SH3GL2: variants seen among roughly 807,000 people sequenced by gnomAD.
The protein encoded by SH3GL2 is SH3 domain containing GRB2 like 2, endophilin A1.
In SH3GL2, 24 loss-of-function variants were observed where a neutral mutation model predicts 46.0. The observed-to-expected ratio is 0.52, with a 90% CI of 0.38 to 0.73. SH3GL2 has a LOEUF of 0.73. Ranked by LOEUF, SH3GL2 falls within the 30% of genes least tolerant of loss-of-function variation. The probability of loss-of-function intolerance (pLI) is 0.00; values close to 1 mark genes in which losing one functional copy is unlikely to be tolerated. For synonymous variants in SH3GL2, 196 were observed against 147.1 expected (o/e 1.33, Z -2.40); for missense variants, 413 against 424.2 (o/e 0.97, Z 0.23).
chr9:17,681,124 A>G (rs1820755694), intron 1 of SH3GL2, among the ~76,000 whole-genome samples: 1 of 152,162 alleles, frequency 6.6e-6, no homozygotes, highest in Non-Finnish European at 1.5e-5. Context: ...AGAAGCTTTC[A>G]AGGAATCAAA....
At chr9:17,664,880 G>A (rs1820304396) in intron 1 of SH3GL2, among the ~76,000 whole-genome samples, 1 of 148,796 alleles carries the variant, frequency 6.7e-6, no homozygotes, top group Non-Finnish European at 1.5e-5. Flanking sequence ...AAACCACAAG[G>A]GAATATTTAC....
intron 1 of SH3GL2, among the ~76,000 whole-genome samples, chr9:17,690,116 G>A (rs1821035335): frequency 6.6e-6 from 1 of 152,046 alleles, no homozygotes. Flanking sequence ...ATGAGACTTT[G>A]TTTCCCTTCT....
intron 1 of SH3GL2, among the ~76,000 whole-genome samples, chr9:17,666,063 A>T (rs562195042): frequency 1.3e-5 from 2 of 151,838 alleles, no homozygotes; most frequent in South Asian, 4.2e-4. Flanking sequence ...TTTAACAAAA[A>T]ATATTTAAAA....
intron 2 of SH3GL2, 31 bp from the exon 3 acceptor site, chr9:17,761,406 G>A: frequency 7.1e-7 from 1 of 1,411,074 alleles, no homozygotes; most frequent in Non-Finnish European, 1.0e-6. Flanking sequence ...CATCATTTTT[G>A]TCATTTAGAG....
intron 3 of SH3GL2, among the ~76,000 whole-genome samples, chr9:17,782,054 A>G (rs1198480252): frequency 6.6e-6 from 1 of 152,160 alleles, no homozygotes; most frequent in Non-Finnish European, 1.5e-5. Flanking sequence ...TAGGTGCTTC[A>G]TGAATATTTC....
chr9:17,671,797 T>C (rs933133655), intron 1 of SH3GL2, among the ~76,000 whole-genome samples: 4 of 152,212 alleles, frequency 2.6e-5, no homozygotes, highest in African/African-American at 9.6e-5. Flanking sequence ...ATAAATGGCC[T>C]TTATAACTGA....
intron 1 of SH3GL2, among the ~76,000 whole-genome samples, chr9:17,642,068 G>A (rs1004608304): frequency 7.2e-5 from 11 of 152,132 alleles, no homozygotes; most frequent in African/African-American, 2.4e-4. Context: ...CAGTGTAAAA[G>A]CATTCCTGTT....
intron 1 of SH3GL2, among the ~76,000 whole-genome samples, chr9:17,720,829 A>G (rs1434275585): frequency 6.6e-6 from 1 of 152,176 alleles, no homozygotes; most frequent in Non-Finnish European, 1.5e-5. Context: ...TTCTTGACTT[A>G]TGAGCCATGA....
At chr9:17,632,264 A>G (rs1016239238) in intron 1 of SH3GL2, among the ~76,000 whole-genome samples, 1 of 152,226 alleles carries the variant, frequency 6.6e-6, no homozygotes, top group Non-Finnish European at 1.5e-5. Flanking sequence ...CAACCTATCC[A>G]TGGCAGTAGA....
chr9:17,761,372 A>C (rs373120306), intron 2 of SH3GL2, 65 bp from the exon 3 acceptor site: 2 of 1,037,370 alleles, frequency 1.9e-6, no homozygotes, highest in Non-Finnish European at 3.1e-6. Flanking sequence ...TACAGACTCA[A>C]CCAAAAACCG....
intron 1 of SH3GL2, among the ~76,000 whole-genome samples, chr9:17,678,562 G>T (rs1053750756): frequency 1.8e-4 from 27 of 152,060 alleles, no homozygotes; most frequent in East Asian, 1.6e-3. Flanking sequence ...TTGCAAAAAT[G>T]TTCTCCCATT....
intron 1 of SH3GL2, among the ~76,000 whole-genome samples, chr9:17,609,356 A>C (rs1438488919): frequency 6.6e-6 from 1 of 152,046 alleles, no homozygotes; most frequent in Non-Finnish European, 1.5e-5. Context: ...GTTTAAGCAG[A>C]TCCATTGAGC....
intron 1 of SH3GL2, among the ~76,000 whole-genome samples, chr9:17,614,260 T>TTG (rs1440073475): frequency 1.4e-5 from 2 of 142,258 alleles, no homozygotes; most frequent in East Asian, 2.1e-4. Flanking sequence ...ATATGTGTAT[T>TTG]TGTGTGTGTG....
intron 3 of SH3GL2, among the ~76,000 whole-genome samples, chr9:17,764,618 G>C (rs954599271): frequency 6.6e-6 from 1 of 152,012 alleles, no homozygotes; most frequent in African/African-American, 2.4e-5. Flanking sequence ...GAATCAGTAG[G>C]ATTTGATGCT....
intron 2 of SH3GL2, among the ~76,000 whole-genome samples, chr9:17,756,355 A>G (rs187679398): frequency 7.2e-5 from 11 of 152,020 alleles, no homozygotes; most frequent in Non-Finnish European, 8.8e-5. Context: ...GTTCTAGAGT[A>G]TGTGTACATG....
chr9:17,677,677 C>T (rs890720175), intron 1 of SH3GL2, among the ~76,000 whole-genome samples: 17 of 151,576 alleles, frequency 1.1e-4, no homozygotes, highest in Admixed American at 2.0e-4. Context: ...ATGTGCACAA[C>T]GTGCAGGTTT....
At chr9:17,678,417 G>T (rs1820673156) in intron 1 of SH3GL2, among the ~76,000 whole-genome samples, 1 of 152,046 alleles carries the variant, frequency 6.6e-6, no homozygotes, top group Admixed American at 6.6e-5. Flanking sequence ...GTGTTTTTTG[G>T]CTGCATAAAT....
chr9:17,786,613 T>A (rs969273118), intron 4 of SH3GL2, 89 bp downstream of exon 4: 8 of 1,396,256 alleles, frequency 5.7e-6, no homozygotes, highest in African/African-American at 1.4e-5. Context: ...ATCGGTCAAA[T>A]CATTTTATAT....
intron 1 of SH3GL2, among the ~76,000 whole-genome samples, chr9:17,718,722 C>A (rs1588270378): frequency 6.6e-6 from 1 of 151,974 alleles, no homozygotes; most frequent in African/African-American, 2.4e-5. Flanking sequence ...AGAGTGAGAC[C>A]CTGTCTGAAA....
Sources: allele counts gnomAD v4.1 joint callset (sites outside exome capture counted in the v4.1 genomes callset), GRCh38; gene constraint gnomAD v4.1.1; transcripts MANE v1.5; gene names NCBI Gene and HGNC (gene_info 2026-07-23, HGNC 2026-07-21).